The following DDX60 variants were observed in gnomAD, a reference collection of about 807,000 sequenced individuals.
The protein encoded by DDX60 is DExD/H-box helicase 60.
Under a neutral mutation model 212.8 loss-of-function variants are expected in DDX60, and 165 were observed. That is an observed-to-expected ratio of 0.78 (90% CI 0.68 to 0.88). DDX60 has a LOEUF of 0.88. Ranked by LOEUF, DDX60 falls within the 40% of genes least tolerant of loss-of-function variation. The pLI is 0.00. For synonymous variants in DDX60, 703 were observed against 685.3 expected, an observed-to-expected ratio of 1.03 and a Z score of -0.40; for missense variants, 1,905 against 2,003.9, an observed-to-expected ratio of 0.95 and a Z score of 0.94.
At chr4:168,249,096 T>A (rs1460302923) in intron 28 of DDX60, among the ~76,000 whole-genome samples, 2 of 133,214 alleles carry the variant, frequency 1.5e-5, no homozygotes, top group Admixed American at 8.9e-5. Context: ...AGAAAGAAAA[T>A]TTTTTATGAT....
chr4:168,309,002 C>T (rs1407955130), intron 3 of DDX60, among the ~76,000 whole-genome samples: 1 of 152,118 alleles, frequency 6.6e-6, no homozygotes, highest in African/African-American at 2.4e-5. Context: ...TTATAGACTA[C>T]ACATGGCAGC....
chr4:168,304,722 A>C (rs1736802062), intron 5 of DDX60, among the ~76,000 whole-genome samples: 2 of 152,090 alleles, frequency 1.3e-5, no homozygotes, highest in Non-Finnish European at 2.9e-5. Context: ...AAGAAGGAAA[A>C]TATTTTTGTA....
intron 27 of DDX60, 117 bp from the exon 28 acceptor site, chr4:168,251,223 A>G (rs1487338664): frequency 1.1e-6 from 1 of 884,240 alleles, no homozygotes; most frequent in Non-Finnish European, 1.7e-6. Context: ...AACTATTTGA[A>G]ACTGACTCTA....
At chr4:168,268,117 C>T in intron 20 of DDX60, 134 bp from the exon 21 acceptor site, 7 of 650,892 alleles carry the variant, frequency 1.1e-5, no homozygotes, top group Non-Finnish European at 1.7e-5. Flanking sequence ...AGCCAGACTA[C>T]CTGAAATTAA....
intron 6 of DDX60, among the ~76,000 whole-genome samples, chr4:168,297,705 A>G (rs1178606240): frequency 1.3e-5 from 2 of 151,524 alleles, no homozygotes; most frequent in Non-Finnish European, 2.9e-5. Context: ...GGAGTTCGAG[A>G]CCAGCCTAGA....
Position 168,275,374 on chromosome 4 carries a change from C to A in DDX60, c.2275G>T (p.Val759Phe). The A allele has an allele frequency of 2.5e-6, 4 of 1,611,198 alleles. No homozygotes were observed. Among genetic ancestry groups the A allele is most frequent in the Non-Finnish European group, 3.4e-6 (4 of 1,178,722 alleles). ...RDERKDPDPR[V>F]QDFIPDTWQR... ...CATGTGTCGGGAATAAAATCCTGGA[C>A]CCTGGGATCTGGGTCTTTTCTCTCA... The change falls in exon 16 of 38, where the codon GTC (valine) becomes TTC (phenylalanine). Residue 759 changes from valine to phenylalanine, a missense_variant. Physicochemically the swap from Val to Phe is conservative, Grantham distance 50. Coordinates refer to ENST00000393743, the MANE Select transcript of DDX60 (RefSeq NM_017631.6).
At chr4:168,223,567 T>A (rs963980458) in intron 35 of DDX60, among the ~76,000 whole-genome samples, 6 of 152,060 alleles carry the variant, frequency 3.9e-5, no homozygotes, top group Non-Finnish European at 7.4e-5. Flanking sequence ...TGCATTGGTT[T>A]TAACACACCA....
At chr4:168,262,658 G>A in intron 23 of DDX60, 25 bp downstream of exon 23, 1 of 1,436,524 alleles carries the variant, frequency 7.0e-7, no homozygotes, top group Non-Finnish European at 9.8e-7. Context: ...TCTATAATAG[G>A]ATTAATTACA....
chr4:168,308,308 T>G, intron 3 of DDX60, 113 bp from the exon 4 acceptor site: 1 of 645,380 alleles, frequency 1.5e-6, no homozygotes, highest in South Asian at 2.1e-5. Flanking sequence ...ATTTGCTGAG[T>G]TGTCTCATGG....
rs116116053 is a variant in DDX60, at chr4:168,313,350, C to T, written c.-106-1985G>A. On this transcript the variant is annotated intron_variant, in intron 1 of 37. Transcript: ENST00000393743. Reference sequence around the variant, plus strand: ...GAAACTACATGACAAGTTTGAGATCCTATGGGTTGTTCTACATGGCATAGG... The same window carrying T: ...GAAACTACATGACAAGTTTGAGATCTTATGGGTTGTTCTACATGGCATAGG... 9.3e-3 allele frequency among the ~76,000 whole-genome samples: 1,420 copies of T among 152,220 alleles called. 17 individuals carry two copies. Among genetic ancestry groups the T allele is most frequent in the African/African-American group, 0.03 (1,249 of 41,532 alleles).
chr4:168,281,816 C>T (rs1236773794), intron 13 of DDX60, among the ~76,000 whole-genome samples: 1 of 152,140 alleles, frequency 6.6e-6, no homozygotes, highest in African/African-American at 2.4e-5. Context: ...ACAAATAATT[C>T]TAATCAATAA....
At chr4:168,321,670 C>CA (rs1737612597), upstream of DDX60, among the ~76,000 whole-genome samples, 1 of 152,146 alleles carries the variant, frequency 6.6e-6, no homozygotes, top group African/African-American at 2.4e-5. Context: ...AGAGTTTAAG[C>CA]AGAACACACA....
intron 26 of DDX60, among the ~76,000 whole-genome samples, chr4:168,255,397 G>A (rs750888964): frequency 1.3e-5 from 2 of 152,160 alleles, no homozygotes; most frequent in Non-Finnish European, 2.9e-5. Flanking sequence ...GATAGCCAGA[G>A]TTCATATATG....
intron 22 of DDX60, among the ~76,000 whole-genome samples, chr4:168,263,051 A>G (rs1734690046): frequency 6.6e-6 from 1 of 152,228 alleles, no homozygotes; most frequent in African/African-American, 2.4e-5. Context: ...AACTGACTTC[A>G]TAATTGAAAT....
At chr4:168,318,891 C>T (rs1244521974), upstream of DDX60, 1 of 152,196 alleles carries the variant, frequency 6.6e-6, no homozygotes, top group Non-Finnish European at 1.5e-5. Context: ...TAGCATCCTT[C>T]CCTTCAATCA....
chr4:168,282,271 T>C (rs759303619), intron 13 of DDX60, among the ~76,000 whole-genome samples: 1 of 152,104 alleles, frequency 6.6e-6, no homozygotes, highest in African/African-American at 2.4e-5. Context: ...TTAGAGTAAT[T>C]TGTGATTATT....
chr4:168,286,046 AAAG>A (rs1271964370), intron 10 of DDX60, among the ~76,000 whole-genome samples: 2 of 148,970 alleles, frequency 1.3e-5, no homozygotes, highest in African/African-American at 4.9e-5. Flanking sequence ...AGGAAAGAAA[AAAG>A]AAAAAGAAAG....
chr4:168,323,944 A>C, the DDX60 span, among the ~76,000 whole-genome samples: 2 of 152,218 alleles, frequency 1.3e-5, no homozygotes, highest in African/African-American at 4.8e-5. Flanking sequence ...GAGCTCTAGC[A>C]CATATCGTGG....
chr4:168,300,213 A>C (rs927622235), intron 6 of DDX60, among the ~76,000 whole-genome samples: 13 of 152,090 alleles, frequency 8.5e-5, no homozygotes, highest in Non-Finnish European at 1.3e-4. Flanking sequence ...AATTTTAGTA[A>C]ACATTCATGC....
Sources: gnomAD v4.1 joint callset for allele counts (sites outside exome capture counted in the v4.1 genomes callset) on GRCh38, gnomAD v4.1.1 for gene constraint, MANE v1.5 for transcripts, NCBI Gene and HGNC (gene_info 2026-07-23, HGNC 2026-07-21) for gene names.